Variants in DLG2 observed in about 807,000 individuals in gnomAD.
The protein encoded by DLG2 is discs large MAGUK scaffold protein 2.
A neutral mutation model predicts 132.5 loss-of-function variants in DLG2; 45 were observed. The observed-to-expected ratio is 0.34, with a 90% confidence interval of 0.27 to 0.44. The LOEUF is 0.44. Among genes scored for constraint, DLG2 ranks in the 20% least tolerant of loss-of-function variants. The pLI is 1.00. For missense variants in DLG2, 1,045 were observed against 1,196.9 expected (o/e 0.87, Z 1.87); for synonymous variants, 424 against 419.6 (o/e 1.01, Z -0.13).
intron 16 of DLG2, among the ~76,000 whole-genome samples, chr11:83,844,781 G>C (rs1595323357): frequency 1.3e-5 from 2 of 152,054 alleles, no homozygotes; most frequent in Non-Finnish European, 2.9e-5. Flanking sequence ...TGCTGTCCTG[G>C]TGGTAGGGGT....
At position 83,499,276 on chromosome 11, in the gene DLG2, T is replaced by A. The variant is rs546694380; in HGVS notation, c.2194-15048A>T. On this transcript the variant is annotated intron_variant, in intron 21 of 27. Transcript: ENST00000376104. ...GAAAAGAAGACTACAAACCAAGGTG[T>A]CTTATAAACATAATGACAAAATAGT... Among the ~76,000 whole-genome samples the A allele has an allele frequency of 2.6e-5, 4 of 152,264 alleles. No homozygotes were observed. In the South Asian group the frequency reaches 8.3e-4, roughly 32 times the overall value.
intron 21 of DLG2, among the ~76,000 whole-genome samples, chr11:83,519,937 A>G (rs555513163): frequency 1.3e-5 from 2 of 152,268 alleles, no homozygotes; most frequent in East Asian, 3.9e-4. Context: ...ATCCTTCTCT[A>G]TGAATAAGGA....
At chr11:83,805,173 T>A (rs1417091057) in intron 17 of DLG2, among the ~76,000 whole-genome samples, 3 of 152,130 alleles carry the variant, frequency 2.0e-5, no homozygotes, top group Admixed American at 6.6e-5. Flanking sequence ...ATAAGGTGGT[T>A]TATTTGAGAC....
rs964206226 is a variant in DLG2 at position 84,372,562 on chromosome 11, A to G, written c.520-121271T>C. 2.6e-5 allele frequency among the ~76,000 whole-genome samples: 4 copies of G among 152,206 alleles called. 1 individual carries two copies. Among genetic ancestry groups the G allele is most frequent in the East Asian group, 3.8e-4 (2 of 5,206 alleles). ...GCATTGCTTCAATTTGTGGTTGCTT[A>G]GAAACATTATAGGCAAAGGAATTGA... On this transcript the variant is annotated intron_variant, in intron 7 of 27. Transcript: ENST00000376104.
At position 83,652,969 on chromosome 11, in the gene DLG2, C is replaced by T. The variant is rs1437496196; in HGVS notation, c.1826-19644G>A. Among the ~76,000 whole-genome samples, 4 of 152,102 alleles carry T rather than the reference C, an allele frequency of 2.6e-5. No homozygotes were observed. In the East Asian group the frequency reaches 7.7e-4, roughly 29 times the overall value. ...CTCTGTGTGGAAGATAGTCTTATTC[C>T]ACTGTACATATGTGAAAACTAAGGC... On this transcript the variant is annotated intron_variant, in intron 18 of 27. Transcript: ENST00000376104.
chr11:83,870,605 A>T (rs2063253883), intron 16 of DLG2, among the ~76,000 whole-genome samples: 1 of 152,196 alleles, frequency 6.6e-6, no homozygotes, highest in Non-Finnish European at 1.5e-5. Flanking sequence ...CACACTGTGA[A>T]GGGCTCAGCT....
At chr11:85,072,205 T>G (rs1463990120) in intron 6 of DLG2, among the ~76,000 whole-genome samples, 1 of 151,854 alleles carries the variant, frequency 6.6e-6, no homozygotes, top group Non-Finnish European at 1.5e-5. Flanking sequence ...TTACTTCCCT[T>G]GTGCCTAAGG....
intron 6 of DLG2, among the ~76,000 whole-genome samples, chr11:84,793,948 T>G (rs569184371): frequency 7.4e-4 from 113 of 152,314 alleles, no homozygotes; most frequent in Non-Finnish European, 1.1e-3. Flanking sequence ...TATTTGTTTT[T>G]GGGTTGTTTT....
chr11:83,607,354 C>T (rs1404299954), intron 19 of DLG2, among the ~76,000 whole-genome samples: 1 of 152,182 alleles, frequency 6.6e-6, no homozygotes, highest in Non-Finnish European at 1.5e-5. Flanking sequence ...AAATCTCATA[C>T]TCTCAATTCA....
chr11:85,018,160 T>A (rs2059725073), intron 6 of DLG2, among the ~76,000 whole-genome samples: 1 of 152,306 alleles, frequency 6.6e-6, no homozygotes, highest in Admixed American at 6.5e-5. Flanking sequence ...ACTCCCATAT[T>A]CTTGAATATA....
At chr11:85,147,753 TTTTAC>T (rs145337444) in intron 5 of DLG2, among the ~76,000 whole-genome samples, 4,597 of 150,810 alleles carry the variant, frequency 0.03, 89 homozygotes, top group Admixed American at 0.044. Flanking sequence ...TTTTATTTTA[TTTTAC>T]TTTATGTTCC....
In DLG2 at chr11:84,703,857, G is replaced by GATATATATATATATATATATATATAT. The variant is rs5793132; in HGVS notation, c.358-169152_358-169127dup. ...AATAATGCTAAAACTATGTAGTGAA[G>GATATATATATATATATATATATATAT]ATATATATATATATATATATATATA... is the stretch of plus-strand genomic sequence containing the variant. On this transcript the variant is annotated intron_variant, in intron 6 of 27. Coordinates refer to ENST00000376104, the MANE Select transcript of DLG2 (RefSeq NM_001142699.3). 1.9e-3 allele frequency among the ~76,000 whole-genome samples: 191 copies of GATATATATATATATATATATATATAT among 102,592 alleles called. 1 individual carries two copies. The highest frequency in any genetic ancestry group is 2.2e-3 in the Non-Finnish European group (117 of 52,104). 67.3% of individuals were successfully genotyped at this position (102,592 alleles called of 152,430 possible).
intron 4 of DLG2, among the ~76,000 whole-genome samples, chr11:85,171,781 T>C (rs1277663426): frequency 1.3e-5 from 2 of 152,136 alleles, no homozygotes; most frequent in East Asian, 3.9e-4. Flanking sequence ...CCCTGCCAGC[T>C]CCAGGGAGTC....
At chr11:85,448,638 TA>T (rs1216126871) in intron 3 of DLG2, among the ~76,000 whole-genome samples, 1 of 152,164 alleles carries the variant, frequency 6.6e-6, no homozygotes, top group African/African-American at 2.4e-5. Context: ...AAAAATGAAA[TA>T]TCCCACTCTT....
chr11:84,353,363 C>T (rs2098593192), intron 7 of DLG2, among the ~76,000 whole-genome samples: 2 of 152,150 alleles, frequency 1.3e-5, no homozygotes, highest in South Asian at 4.1e-4. Context: ...AGTGTTCCCT[C>T]CCTTGGTGAA....
At chr11:84,638,848 C>T (rs2099645672) in intron 6 of DLG2, among the ~76,000 whole-genome samples, 1 of 152,140 alleles carries the variant, frequency 6.6e-6, no homozygotes, top group Non-Finnish European at 1.5e-5. Context: ...GCCGTTGATA[C>T]TGCATTCATA....
At chr11:83,697,787 G>T (rs531866806) in intron 18 of DLG2, among the ~76,000 whole-genome samples, 1 of 152,226 alleles carries the variant, frequency 6.6e-6, no homozygotes, top group African/African-American at 2.4e-5. Flanking sequence ...GATTTAAAAA[G>T]AACATGCACC....
intron 5 of DLG2, among the ~76,000 whole-genome samples, chr11:85,129,862 A>C (rs1188736345): frequency 2.0e-5 from 3 of 152,232 alleles, no homozygotes; most frequent in African/African-American, 7.2e-5. Flanking sequence ...TGCACCATAG[A>C]ATACTATGCA....
At chr11:84,771,726 C>G (rs1313056095) in intron 6 of DLG2, among the ~76,000 whole-genome samples, 1 of 152,086 alleles carries the variant, frequency 6.6e-6, no homozygotes, top group East Asian at 1.9e-4. Flanking sequence ...TATACAACAA[C>G]CACACATGGA....
Sources: gnomAD v4.1 joint callset for allele counts (sites outside exome capture counted in the v4.1 genomes callset) on GRCh38, gnomAD v4.1.1 for gene constraint, MANE v1.5 for transcripts, NCBI Gene and HGNC (gene_info 2026-07-23, HGNC 2026-07-21) for gene names.